Variants in SLC25A28 observed in about 807,000 individuals in gnomAD.
The protein encoded by SLC25A28 is solute carrier family 25 member 28.
A neutral mutation model predicts 31.9 loss-of-function variants in SLC25A28; 10 were observed. The ratio of observed to expected loss-of-function variants is 0.31; its 90% CI spans 0.19 to 0.53. The LOEUF is 0.53. SLC25A28 is among the 20% of genes least tolerant of loss of function. The pLI is 0.95. For missense variants in SLC25A28, 256 were observed against 490.3 expected (o/e 0.52, Z 4.51); for synonymous variants, 208 against 203.6 (o/e 1.02, Z -0.19).
At chr10:99,631,960 A>C in the SLC25A28 span, among the ~76,000 whole-genome samples, 1 of 123,786 alleles carries the variant, frequency 8.1e-6, no homozygotes, top group South Asian at 2.9e-4. Flanking sequence ...GCAGTGGCGC[A>C]ATCTCGGCTC....
chr10:99,613,821 C>T lies in SLC25A28; in HGVS notation c.395G>A (p.Arg132Lys), dbSNP rs997595411. 6.2e-7 allele frequency: 1 copy of T among 1,614,258 alleles called. No individual in the cohort carries two copies. Among genetic ancestry groups the T allele is most frequent in the South Asian group, 1.1e-5 (1 of 91,088 alleles). ...GCCTGTTGCTGTGACGTTCAGCCCC[C>T]TCATGGGCCTCCATAGGCCCTCCGT... is the stretch of plus-strand genomic sequence containing the variant. ...IRTEGLWRPM[R>K]GLNVTATGAG... Residue 132 changes from arginine to lysine, a missense_variant, in exon 2 of 4, where the codon AGG becomes AAG. By Grantham distance (26) the Arg-to-Lys change is conservative (BLOSUM62 2). Around this residue, in one of 4 missense-constraint regions of SLC25A28, gnomAD observed 158 missense variants for 379.1 expected, o/e 0.42. Transcript: ENST00000370495. The surrounding 1 kb of genome is among the most constrained non-coding windows in gnomAD (Gnocchi z 4.9).
At chr10:99,626,815 T>A in the SLC25A28 span, among the ~76,000 whole-genome samples, 1 of 152,134 alleles carries the variant, frequency 6.6e-6, no homozygotes, top group Non-Finnish European at 1.5e-5. Context: ...TTCTCATTTA[T>A]TGAGGAAAAT....
At chr10:99,615,936 C>T (rs557809740) in intron 1 of SLC25A28, 120 of 985,212 alleles carry the variant, frequency 1.2e-4, no homozygotes, top group Middle Eastern at 5.2e-4. Flanking sequence ...AAGAGAAAAC[C>T]GGACTGTGGG....
chr10:99,610,789 A>C lies in SLC25A28; in HGVS notation c.*60T>G. 19 of 1,558,262 alleles carry C rather than the reference A, an allele frequency of 1.2e-5. No individual in the cohort carries two copies. Among genetic ancestry groups the C allele is most frequent in the Non-Finnish European group, 1.5e-5 (17 of 1,146,800 alleles). ...TTGAGGTGGGAGCATTCCAGGAGAC[A>C]GAGAATGTGACCAGGATGCAGCAGT... On this transcript the variant is annotated 3_prime_UTR_variant, in exon 4 of 4. Transcript: ENST00000370495.
At chr10:99,615,883 T>A in intron 1 of SLC25A28, 1 of 985,422 alleles carries the variant, frequency 1.0e-6, no homozygotes, top group Non-Finnish European at 1.2e-6. Context: ...TGGCTACCAA[T>A]TCTGAACGGT....
chr10:99,610,846 A>G lies in SLC25A28; in HGVS notation c.*3T>C. ...TGAACCCCTGGCTTCGTTCAGTGCT[A>G]CTTCACTTGCCAGCCCTCCACTCTT... On this transcript the variant is annotated 3_prime_UTR_variant, in exon 4 of 4. Transcript: ENST00000370495. 6.2e-7 allele frequency: 1 copy of G among 1,612,278 alleles called. No individual in the cohort carries two copies. The highest frequency in any genetic ancestry group is 8.5e-7 in the Non-Finnish European group (1 of 1,178,734).
the SLC25A28 span, among the ~76,000 whole-genome samples, chr10:99,643,544 G>GT: frequency 2.6e-5 from 4 of 152,116 alleles, no homozygotes; most frequent in Non-Finnish European, 4.4e-5. Context: ...TTTTTGAAGG[G>GT]TTTTTTGTGT....
the SLC25A28 span, among the ~76,000 whole-genome samples, chr10:99,628,362 C>T: frequency 6.6e-6 from 1 of 152,182 alleles, no homozygotes; most frequent in Non-Finnish European, 1.5e-5. Context: ...CATGTTTTCA[C>T]AGATCAACAT....
chr10:99,634,279 G>C, the SLC25A28 span, among the ~76,000 whole-genome samples: 1 of 152,090 alleles, frequency 6.6e-6, no homozygotes, highest in East Asian at 1.9e-4. Flanking sequence ...CACCAGCAAT[G>C]GATCCAAACC....
At chr10:99,641,728 T>C in the SLC25A28 span, among the ~76,000 whole-genome samples, 1 of 152,208 alleles carries the variant, frequency 6.6e-6, no homozygotes, top group African/African-American at 2.4e-5. Flanking sequence ...TAATCCATAT[T>C]GAATTAATTT....
At chr10:99,623,093 A>G (rs1188997574), upstream of SLC25A28, among the ~76,000 whole-genome samples, 5 of 152,186 alleles carry the variant, frequency 3.3e-5, no homozygotes, top group African/African-American at 1.2e-4. Context: ...AGGAGACGAC[A>G]TGTATGGTGA....
In SLC25A28 at chr10:99,613,768, C is replaced by A. The variant is rs2034585714; in HGVS notation, c.448G>T (p.Ala150Ser). Residue 150 changes from alanine (A) to serine (S), a missense_variant, in exon 2 of 4, where the codon GCC becomes TCC. Physicochemically the swap from Ala to Ser is moderately conservative, Grantham distance 99 (BLOSUM62 1). This residue lies in a region of SLC25A28 where 158 missense variants were observed against 379.1 expected (regional missense o/e 0.42). Coordinates refer to ENST00000370495, the MANE Select transcript of SLC25A28 (RefSeq NM_031212.4). This position sits in a 1 kb window ranked among gnomAD's most constrained non-coding sequence, Gnocchi z 4.9. ...GTCTTTTTTAACTTTTCGTAGCAGG[C>A]AAAATAAAGGGCGTGGGCAGGCCCT... is the stretch of plus-strand genomic sequence containing the variant. ...GAGPAHALYF[A>S]CYEKLKKTLS... is the part of the protein sequence containing the mutation. The A allele has an allele frequency of 6.2e-7, 1 of 1,614,052 alleles. No homozygotes were observed. The highest frequency in any genetic ancestry group is 1.1e-5 in the South Asian group (1 of 91,080).
chr10:99,654,554 C>T, the SLC25A28 span, among the ~76,000 whole-genome samples: 1 of 152,046 alleles, frequency 6.6e-6, no homozygotes, highest in South Asian at 2.1e-4. Context: ...CCCAGTTACT[C>T]AGGAGGCAGG....
At chr10:99,621,688 G>A (rs2034798756), upstream of SLC25A28, 1 of 152,356 alleles carries the variant, frequency 6.6e-6, no homozygotes, top group African/African-American at 2.4e-5. Flanking sequence ...AGCTGCCCGC[G>A]GTTTCCAGCT....
chr10:99,639,722 T>C, the SLC25A28 span, among the ~76,000 whole-genome samples: 2 of 131,130 alleles, frequency 1.5e-5, no homozygotes, highest in African/African-American at 2.9e-5. Flanking sequence ...GCACCATGGG[T>C]ACACACACAC....
the SLC25A28 span, among the ~76,000 whole-genome samples, chr10:99,627,261 C>A: frequency 0.42 from 63,146 of 151,740 alleles, 13,316 homozygotes; most frequent in East Asian, 0.55. Flanking sequence ...AAAAAAAAGT[C>A]TTTTTTTGGA....
chr10:99,631,258 C>G, the SLC25A28 span, among the ~76,000 whole-genome samples: 1 of 152,044 alleles, frequency 6.6e-6, no homozygotes, highest in Admixed American at 6.5e-5. Context: ...TTGAAAAGGT[C>G]ACTGGTTTCT....
chr10:99,643,777 A>G, the SLC25A28 span, among the ~76,000 whole-genome samples: 3 of 152,066 alleles, frequency 2.0e-5, no homozygotes, highest in African/African-American at 4.8e-5. Context: ...CTTTGTTCTC[A>G]TTGGTTTCAA....
intron 1 of SLC25A28, among the ~76,000 whole-genome samples, chr10:99,614,320 T>C (rs2034598510): frequency 6.6e-6 from 1 of 152,192 alleles, no homozygotes; most frequent in Admixed American, 6.5e-5. Context: ...TGACATACTT[T>C]ATGCTGTATA....
Sources: allele counts gnomAD v4.1 joint callset (sites outside exome capture counted in the v4.1 genomes callset), GRCh38; gene constraint gnomAD v4.1.1; regional missense constraint gnomAD v4.1.1; non-coding constraint Gnocchi (gnomAD v3.1); transcripts MANE v1.5; gene names NCBI Gene and HGNC (gene_info 2026-07-23, HGNC 2026-07-21).